The following PRR16 variants were observed in gnomAD, a reference collection of about 807,000 sequenced individuals.
PRR16 encodes the protein proline rich 16.
A neutral mutation model predicts 18.2 loss-of-function variants in PRR16; 6 were observed. The observed-to-expected ratio is 0.33, with a 90% confidence interval of 0.18 to 0.65. PRR16 has a LOEUF of 0.65. Among genes scored for constraint, PRR16 ranks in the 30% least tolerant of loss-of-function variants. PRR16 has a pLI of 0.74. For missense variants in PRR16, 412 were observed against 376.6 expected, an observed-to-expected ratio of 1.09 and a Z score of -0.78; for synonymous variants, 151 against 147.8, an observed-to-expected ratio of 1.02 and a Z score of -0.16.
intron 1 of PRR16, among the ~76,000 whole-genome samples, chr5:120,517,756 C>CT (rs978379730): frequency 6.6e-6 from 1 of 152,046 alleles, no homozygotes; most frequent in African/African-American, 2.4e-5. Flanking sequence ...CTCAGTAATT[C>CT]TTTACTCTGT....
chr5:120,786,809 G>T, the PRR16 span, among the ~76,000 whole-genome samples: 3 of 151,882 alleles, frequency 2.0e-5, no homozygotes, highest in African/African-American at 7.3e-5. Flanking sequence ...CACTTAATAT[G>T]TTACTTACAT....
chr5:120,473,568 A>T (rs1308331796), intron 1 of PRR16, among the ~76,000 whole-genome samples: 10 of 152,218 alleles, frequency 6.6e-5, no homozygotes, highest in African/African-American at 2.4e-4. Context: ...AATGGTTCCT[A>T]TGCATAAAGC....
intron 1 of PRR16, among the ~76,000 whole-genome samples, chr5:120,534,501 G>A (rs1343681897): frequency 6.6e-6 from 1 of 151,892 alleles, no homozygotes; most frequent in Non-Finnish European, 1.5e-5. Context: ...GTATCCTATT[G>A]TATCTTTTTT....
chr5:120,584,033 G>A lies in PRR16; in HGVS notation c.160-101921G>A, dbSNP rs1298438967. ...CCAAAAGACAGAGATATGCAAATAAGGCCATTTCACTGCAGGATGGGAAAT... is the reference window on the plus strand; with the variant it reads ...CCAAAAGACAGAGATATGCAAATAAAGCCATTTCACTGCAGGATGGGAAAT... On this transcript the variant is annotated intron_variant, in intron 1 of 1. Transcript: ENST00000407149. 4.6e-5 allele frequency among the ~76,000 whole-genome samples: 7 copies of A among 152,298 alleles called. No individual in the cohort carries two copies. The East Asian group carries it at 7.7e-4, about 17-fold the overall frequency.
intron 1 of PRR16, among the ~76,000 whole-genome samples, chr5:120,649,219 C>T (rs1487107623): frequency 6.6e-6 from 1 of 151,960 alleles, no homozygotes; most frequent in East Asian, 1.9e-4. Context: ...ATATTCTTTT[C>T]TCCTATTATT....
the PRR16 span, among the ~76,000 whole-genome samples, chr5:120,723,474 A>G: frequency 7.2e-5 from 11 of 152,032 alleles, no homozygotes; most frequent in Non-Finnish European, 1.5e-4. Context: ...AATTACAAAA[A>G]TTTAATGACT....
chr5:120,535,185 T>G (rs1321555272), intron 1 of PRR16, among the ~76,000 whole-genome samples: 2 of 152,074 alleles, frequency 1.3e-5, no homozygotes, highest in African/African-American at 4.8e-5. Flanking sequence ...ATTTTGGCAA[T>G]AATTTATTTA....
intron 1 of PRR16, among the ~76,000 whole-genome samples, chr5:120,595,534 G>C (rs1753772062): frequency 6.6e-6 from 1 of 151,820 alleles, no homozygotes; most frequent in Non-Finnish European, 1.5e-5. Flanking sequence ...GTCGGAAGTA[G>C]TGTGACAATT....
At chr5:120,665,676 G>A (rs184154075) in intron 1 of PRR16, among the ~76,000 whole-genome samples, 3 of 152,190 alleles carry the variant, frequency 2.0e-5, no homozygotes, top group East Asian at 1.9e-4. Context: ...TTCTACGTAT[G>A]GCTAGCCAGT....
At chr5:120,613,013 C>G (rs1754383727) in intron 1 of PRR16, among the ~76,000 whole-genome samples, 2 of 152,058 alleles carry the variant, frequency 1.3e-5, no homozygotes, top group African/African-American at 2.4e-5. Context: ...AACTCAAACA[C>G]TTATTGGGCA....
intron 1 of PRR16, among the ~76,000 whole-genome samples, chr5:120,476,724 A>G (rs1419168114): frequency 6.6e-6 from 1 of 152,132 alleles, no homozygotes; most frequent in East Asian, 1.9e-4. Context: ...CTGCCAGCAT[A>G]CAAATGAAAT....
chr5:120,572,920 A>G (rs976053678), intron 1 of PRR16, among the ~76,000 whole-genome samples: 4 of 152,156 alleles, frequency 2.6e-5, no homozygotes, highest in African/African-American at 4.8e-5. Flanking sequence ...GGTGACTTCT[A>G]TAGTAGATAT....
At chr5:120,723,199 T>C in the PRR16 span, among the ~76,000 whole-genome samples, 4 of 151,968 alleles carry the variant, frequency 2.6e-5, no homozygotes, top group Non-Finnish European at 4.4e-5. Context: ...TAATTATTAA[T>C]AAAATGGTTG....
intron 1 of PRR16, among the ~76,000 whole-genome samples, chr5:120,489,214 T>C (rs1344940921): frequency 2.6e-5 from 4 of 152,192 alleles, no homozygotes; most frequent in African/African-American, 9.7e-5. Flanking sequence ...CCTTGTTAAC[T>C]TTCTGTCTTG....
intron 1 of PRR16, among the ~76,000 whole-genome samples, chr5:120,657,055 C>T (rs1034833486): frequency 6.6e-6 from 1 of 151,924 alleles, no homozygotes; most frequent in African/African-American, 2.4e-5. Context: ...GATTGCACCT[C>T]AGTTATTTTT....
At chr5:120,550,334 CA>C (rs1752215321) in intron 1 of PRR16, among the ~76,000 whole-genome samples, 1 of 151,914 alleles carries the variant, frequency 6.6e-6, no homozygotes, top group African/African-American at 2.4e-5. Flanking sequence ...TTGACTGTAA[CA>C]AATATGGAAA....
chr5:120,490,613 C>T (rs148584364), intron 1 of PRR16, among the ~76,000 whole-genome samples: 303 of 152,126 alleles, frequency 2.0e-3, no homozygotes, highest in African/African-American at 6.8e-3. Flanking sequence ...TCCTTTAGCT[C>T]GGAGTAGTTT....
chr5:120,713,552 G>A, the PRR16 span, among the ~76,000 whole-genome samples: 3 of 152,104 alleles, frequency 2.0e-5, no homozygotes, highest in African/African-American at 7.2e-5. Flanking sequence ...CAGAAAATTT[G>A]TGAAGTTTTA....
chr5:120,493,732 T>C (rs188485816), intron 1 of PRR16, among the ~76,000 whole-genome samples: 75 of 152,358 alleles, frequency 4.9e-4, no homozygotes, highest in Non-Finnish European at 2.5e-4. Context: ...TAATCTGTTT[T>C]CCATTTCTAT....
Sources: gnomAD v4.1 joint callset for allele counts (sites outside exome capture counted in the v4.1 genomes callset) on GRCh38, gnomAD v4.1.1 for gene constraint, MANE v1.5 for transcripts, NCBI Gene and HGNC (gene_info 2026-07-23, HGNC 2026-07-21) for gene names.